The following PRKDC variants were observed in gnomAD, a reference collection of about 807,000 sequenced individuals.
The protein encoded by PRKDC is DNA-dependent protein kinase catalytic subunit.
A neutral mutation model predicts 486.9 loss-of-function variants in PRKDC; 82 were observed. The observed-to-expected ratio is 0.17, with a 90% CI of 0.14 to 0.20. The LOEUF (loss-of-function observed/expected upper bound fraction) is 0.20, where lower values mean the gene tolerates loss of function less well. Among genes scored for constraint, PRKDC ranks in the 10% least tolerant of loss-of-function variants. The pLI, the probability that PRKDC is intolerant of heterozygous loss-of-function variation, is 1.00. For synonymous variants in PRKDC, 1,895 were observed against 1,837.0 expected, an observed-to-expected ratio of 1.03 and a Z score of -0.81; for missense variants, 4,504 against 5,038.2, an observed-to-expected ratio of 0.89 and a Z score of 3.21.
At chr8:47,862,270 A>G in intron 43 of PRKDC, 103 bp downstream of exon 43, 1 of 1,392,284 alleles carries the variant, frequency 7.2e-7, no homozygotes, top group Non-Finnish European at 9.8e-7. Flanking sequence ...AACGAACCAC[A>G]TCTTTAATAT....
chr8:47,917,759 A>G (rs950563382), intron 22 of PRKDC, among the ~76,000 whole-genome samples: 6 of 152,220 alleles, frequency 3.9e-5, no homozygotes, highest in Non-Finnish European at 7.3e-5. Flanking sequence ...TTTATTATCC[A>G]CTAAATACAT....
At chr8:47,892,077 C>T (rs2089472239) in intron 31 of PRKDC, among the ~76,000 whole-genome samples, 1 of 152,016 alleles carries the variant, frequency 6.6e-6, no homozygotes, top group South Asian at 2.1e-4. Flanking sequence ...GCCATGTTGG[C>T]CAGACTGGTT....
At chr8:47,904,573 C>A (rs1438093051) in intron 26 of PRKDC, among the ~76,000 whole-genome samples, 2 of 152,182 alleles carry the variant, frequency 1.3e-5, no homozygotes. Flanking sequence ...GTGGGCGGAT[C>A]ACTTGAGGTC....
At position 47,930,005 on chromosome 8, in the gene PRKDC, G is replaced by C; in HGVS notation, c.1900C>G (p.Leu634Val). The C allele has an allele frequency of 6.3e-7, 1 of 1,596,684 alleles. No individual in the cohort carries two copies. ...AAAAATTCTGCTTGTTTCTCAGGGA[G>C]AATCTCTCTGTAAAAACAAATTAGA... is the stretch of plus-strand genomic sequence containing the variant. ...INLVEFCREI[L>V]PEKQAEFFEP... is the part of the protein sequence containing the mutation. The change falls in exon 18 of 86, where the codon CTC (leucine) becomes GTC (valine). Residue 634 changes from leucine to valine, a missense_variant. By Grantham distance (32) the Leu-to-Val change is conservative. Coordinates refer to ENST00000314191, the MANE Select transcript of PRKDC (RefSeq NM_006904.7).
Position 47,918,394 on chromosome 8 carries a change from T to A in PRKDC, c.2420-11A>T, listed in dbSNP as rs1227968476. 2 of 1,473,662 alleles carry A rather than the reference T, an allele frequency of 1.4e-6. No homozygotes were observed. Among genetic ancestry groups the A allele is most frequent in the Non-Finnish European group, 1.8e-6 (2 of 1,095,544 alleles). 91.3% of individuals were successfully genotyped at this position (1,473,662 alleles called of 1,614,324 possible). A position where few individuals can be genotyped will look rare whatever the true frequency, so the allele number is the denominator to read the frequency against. ...TATTCTTGGTCTCATCTATCAATAG[T>A]AAACGAAAATAAATTTAAAATAGCA... On this transcript the variant is annotated splice_polypyrimidine_tract_variant and intron_variant, in intron 21 of 85. Transcript: ENST00000314191.
At chr8:47,905,225 C>T (rs2089757056) in intron 25 of PRKDC, among the ~76,000 whole-genome samples, 1 of 152,072 alleles carries the variant, frequency 6.6e-6, no homozygotes, top group Non-Finnish European at 1.5e-5. Flanking sequence ...GACAGGGTTC[C>T]ACTATGTTGC....
chr8:47,950,273 A>C (rs1589815462), intron 7 of PRKDC, among the ~76,000 whole-genome samples: 2 of 137,612 alleles, frequency 1.5e-5, no homozygotes, highest in African/African-American at 2.7e-5. Context: ...ACTCTGTCTC[A>C]AAAAAAAAAA....
rs560024164 is a variant in PRKDC at position 47,776,767 on chromosome 8, T to C, written c.12182+77A>G. On this transcript the variant is annotated intron_variant, in intron 85 of 85. Transcript: ENST00000314191. ...AACAGAGTGTCAAGAGCTCAGCACT[T>C]TGTATATATGTTGGCTCCTCGAGAA... is the stretch of plus-strand genomic sequence containing the variant. 5.2e-6 allele frequency: 8 copies of C among 1,531,696 alleles called. No individual in the cohort carries two copies. The South Asian group carries it at 7.0e-5, about 13-fold the overall frequency. 94.9% of individuals were successfully genotyped at this position (1,531,696 alleles called of 1,614,324 possible).
chr8:47,843,807 G>A (rs1328677511), intron 54 of PRKDC, among the ~76,000 whole-genome samples: 1 of 152,048 alleles, frequency 6.6e-6, no homozygotes, highest in Non-Finnish European at 1.5e-5. Flanking sequence ...AGTTTCATAA[G>A]GAAAGAAAAA....
Position 47,900,436 on chromosome 8 carries a change from A to C in PRKDC, c.3301T>G (p.Phe1101Val), listed in dbSNP as rs1272586461. ...TCCATGTATATCACCAAGGCTTCAA[A>C]CACAAACTGTTCCACCAGAGACTCT... ...EEESLVEQFV[F>V]EALVIYMESL... is the part of the protein sequence containing the mutation. The change falls in exon 28 of 86, where the codon TTT becomes GTT. Residue 1101 changes from phenylalanine to valine, a missense_variant. Physicochemically the swap from Phe to Val is conservative, Grantham distance 50. Around this residue, in one of 6 missense-constraint regions of PRKDC, gnomAD observed 1,969 missense variants for 2,068.9 expected, o/e 0.95. Transcript: ENST00000314191. The C allele has an allele frequency of 6.2e-7, 1 of 1,611,328 alleles. No homozygotes were observed. The highest frequency in any genetic ancestry group is 8.5e-7 in the Non-Finnish European group (1 of 1,178,904).
chr8:47,886,516 C>T (rs1017959187), intron 35 of PRKDC, among the ~76,000 whole-genome samples: 7 of 151,670 alleles, frequency 4.6e-5, no homozygotes, highest in Non-Finnish European at 1.0e-4. Flanking sequence ...TCAGCACCCC[C>T]GAGTATCTGG....
At chr8:47,791,002 T>C (rs2086873707) in intron 74 of PRKDC, among the ~76,000 whole-genome samples, 3 of 152,202 alleles carry the variant, frequency 2.0e-5, no homozygotes, top group African/African-American at 7.2e-5. Context: ...GACACTGGTC[T>C]GGGCACAAAG....
Position 47,929,876 on chromosome 8 carries a change from C to T in PRKDC, c.2029G>A (p.Ala677Thr), listed in dbSNP as rs1000778252. 3 of 1,596,030 alleles carry T rather than the reference C, an allele frequency of 1.9e-6. No individual in the cohort carries two copies. Among genetic ancestry groups the T allele is most frequent in the Admixed American group, 3.7e-5 (2 of 54,158 alleles). ...YKLLSITVRN[A>T]KKIKYFEGVS... is the part of the protein sequence containing the mutation. ...ACCTCGAAATATTTTATTTTCTTGG[C>T]ATTTCTTACTGTAATAGAAAGCAAT... The change falls in exon 18 of 86, where the codon GCC (alanine) becomes ACC (threonine). Residue 677 changes from alanine (A) to threonine (T), a missense_variant. Ala to Thr is a moderately conservative substitution (Grantham distance 58). Coordinates refer to ENST00000314191, the MANE Select transcript of PRKDC (RefSeq NM_006904.7).
At chr8:47,841,256 T>A (rs2088135629) in intron 54 of PRKDC, among the ~76,000 whole-genome samples, 1 of 152,194 alleles carries the variant, frequency 6.6e-6, no homozygotes, top group African/African-American at 2.4e-5. Flanking sequence ...TCACTCAGTG[T>A]GGAGCAGCTC....
At chr8:47,902,242 T>C (rs2089699058) in intron 27 of PRKDC, among the ~76,000 whole-genome samples, 2 of 152,124 alleles carry the variant, frequency 1.3e-5, no homozygotes, top group African/African-American at 4.8e-5. Context: ...TCATCTCCAA[T>C]ATAAACCCTA....
rs757638301 is a variant in PRKDC at position 47,900,461 on chromosome 8, T to C, written c.3276A>G (p.Glu1092=). ...ACACAAACTGTTCCACCAGAGACTC[T>C]TCTTCCCTGTAAAATAAAGAATAGG... ...FNNIYREFRE[E]ESLVEQFVFE... The change falls in exon 28 of 86, where the codon GAA becomes GAG. Residue 1092 remains glutamate, a synonymous_variant. Transcript: ENST00000314191. The C allele has an allele frequency of 2.5e-6, 4 of 1,605,134 alleles. No homozygotes were observed. In the African/African-American group the frequency reaches 4.0e-5, roughly 16 times the overall value.
chr8:47,907,231 AG>A (rs996775867), intron 25 of PRKDC, among the ~76,000 whole-genome samples: 3 of 150,974 alleles, frequency 2.0e-5, no homozygotes, highest in African/African-American at 7.3e-5. Context: ...TAGTAGAGAC[AG>A]GGTTTCACCG....
intron 38 of PRKDC, 88 bp from the exon 39 acceptor site, chr8:47,879,746 A>T: frequency 8.8e-7 from 1 of 1,138,648 alleles, no homozygotes; most frequent in South Asian, 2.1e-5. Context: ...GACATTGCAA[A>T]TAAAGCATTA....
chr8:47,820,828 G>A lies in PRKDC; in HGVS notation c.9227C>T (p.Ala3076Val), dbSNP rs370147042. ...DKAMHGELQK[A>V]ILELHYSQEL... ...TTGACTGTAATGAAGCTCTAGAATCGCCTTCTGGAGCTCCCCGTGCATAGC... is the reference window on the plus strand; with the variant it reads ...TTGACTGTAATGAAGCTCTAGAATCACCTTCTGGAGCTCCCCGTGCATAGC... The change falls in exon 66 of 86, where the codon GCG (alanine) becomes GTG (valine). Residue 3076 changes from alanine (A) to valine (V), a missense_variant. Transcript: ENST00000314191. 1.1e-5 allele frequency: 18 copies of A among 1,613,210 alleles called. No individual in the cohort carries two copies. Among genetic ancestry groups the A allele is most frequent in the East Asian group, 2.2e-5 (1 of 44,872 alleles).
Sources: gnomAD v4.1 joint callset for allele counts (sites outside exome capture counted in the v4.1 genomes callset) on GRCh38, gnomAD v4.1.1 for gene constraint, gnomAD v4.1.1 regional missense constraint, MANE v1.5 for transcripts, NCBI Gene and HGNC (gene_info 2026-07-23, HGNC 2026-07-21) for gene names.